The following SLC45A2 variants were observed in gnomAD, a reference collection of about 807,000 sequenced individuals.
The protein encoded by SLC45A2 is membrane-associated transporter protein.
SLC45A2 carries 36 observed loss-of-function variants against 45.5 expected under a neutral mutation model. The ratio of observed to expected loss-of-function variants is 0.79; its 90% confidence interval spans 0.61 to 1.04. The LOEUF is 1.04. Ranked by LOEUF, SLC45A2 falls within the 50% of genes least tolerant of loss-of-function variation. The pLI, the probability that SLC45A2 is intolerant of heterozygous loss-of-function variation, is 0.00. For synonymous variants in SLC45A2, 306 were observed against 269.3 expected (o/e 1.14, Z -1.33); for missense variants, 719 against 671.0 (o/e 1.07, Z -0.79).
chr5:33,961,087 G>A (rs1188214797), intron 3 of SLC45A2, among the ~76,000 whole-genome samples: 1 of 152,176 alleles, frequency 6.6e-6, no homozygotes, highest in Non-Finnish European at 1.5e-5. Context: ...GGGTCTGGCA[G>A]GTGTAATTAA....
At chr5:33,946,080 C>T (rs1411968964) in intron 6 of SLC45A2, 1 of 985,288 alleles carries the variant, frequency 1.0e-6, no homozygotes, top group Non-Finnish European at 1.2e-6. Flanking sequence ...CCCAGTGTAA[C>T]ACAGCTTCCA....
intron 3 of SLC45A2, among the ~76,000 whole-genome samples, chr5:33,963,012 C>T (rs1409746429): frequency 1.3e-5 from 2 of 152,210 alleles, no homozygotes; most frequent in African/African-American, 4.8e-5. Flanking sequence ...TATATTTTAG[C>T]TAGAAGCCCT....
At chr5:33,959,682 G>A (rs947559334) in intron 3 of SLC45A2, among the ~76,000 whole-genome samples, 4 of 152,180 alleles carry the variant, frequency 2.6e-5, no homozygotes, top group Non-Finnish European at 4.4e-5. Context: ...GTGGCATGGC[G>A]AGAGGCAGGT....
Position 33,944,842 on chromosome 5 carries a change from T to G in SLC45A2, c.1399A>C (p.Asn467His). The G allele has an allele frequency of 6.2e-7, 1 of 1,613,834 alleles. No individual in the cohort carries two copies. The highest frequency in any genetic ancestry group is 8.5e-7 in the Non-Finnish European group (1 of 1,179,888). ...TCCATGCCCTTCCCTCTCACGCTGT[T>G]GTCTGGGTCCCCTCCTGGGGCCTGC... ...RQQAPGGDPDNSVRGKGMDCA... is the reference protein window; with the variant it reads ...RQQAPGGDPDHSVRGKGMDCA... Residue 467 changes from asparagine (N) to histidine (H), a missense_variant, in exon 7 of 7, where the codon AAC (asparagine) becomes CAC (histidine). Physicochemically the swap from Asn to His is moderately conservative, Grantham distance 68. Transcript: ENST00000296589.
At chr5:33,967,291 A>G (rs563785597) in intron 2 of SLC45A2, among the ~76,000 whole-genome samples, 45 of 152,348 alleles carry the variant, frequency 3.0e-4, no homozygotes, top group African/African-American at 9.9e-4. Context: ...AAAGTAAAAT[A>G]TATCTCAAAC....
intron 2 of SLC45A2, among the ~76,000 whole-genome samples, chr5:33,964,372 AC>A (rs1163894439): frequency 6.6e-6 from 1 of 152,216 alleles, no homozygotes; most frequent in Non-Finnish European, 1.5e-5. Flanking sequence ...AGATACTGTG[AC>A]CTTTCCAAAG....
chr5:33,954,555 C>T, intron 3 of SLC45A2, 51 bp from the exon 4 acceptor site: 1 of 1,610,652 alleles, frequency 6.2e-7, no homozygotes, highest in Non-Finnish European at 8.5e-7. Flanking sequence ...GAAACTCAGC[C>T]AGCTAAGGGA....
Position 33,964,007 on chromosome 5 carries a change from C to T in SLC45A2, c.572G>A (p.Gly191Asp), listed in dbSNP as rs1752528476. Residue 191 changes from glycine (G) to aspartate (D), a missense_variant, in exon 3 of 7, where the codon GGT becomes GAT. Coordinates refer to ENST00000296589, the MANE Select transcript of SLC45A2 (RefSeq NM_016180.5). ...HYHALFTGFG[G>D]ALGYLLGAID... ...AGCACCCAAAAGGTAACCCAGGGCACCTCCAAAACCTGGAAAGCAAGAAAA... is the reference window on the plus strand; with the variant it reads ...AGCACCCAAAAGGTAACCCAGGGCATCTCCAAAACCTGGAAAGCAAGAAAA... The T allele has an allele frequency of 1.2e-6, 2 of 1,613,830 alleles. No individual in the cohort carries two copies. Among genetic ancestry groups the T allele is most frequent in the South Asian group, 1.1e-5 (1 of 91,064 alleles).
intron 2 of SLC45A2, among the ~76,000 whole-genome samples, chr5:33,981,666 CT>C (rs1312296892): frequency 6.6e-6 from 1 of 152,242 alleles, no homozygotes; most frequent in Non-Finnish European, 1.5e-5. Flanking sequence ...CTGGCATGAA[CT>C]TTTTCAAACC....
Position 33,984,585 on chromosome 5 carries a change from G to A in SLC45A2, c.-2C>T, listed in dbSNP as rs202056704. 5.6e-6 allele frequency: 9 copies of A among 1,608,986 alleles called. No homozygotes were observed. The highest frequency in any genetic ancestry group is 7.6e-6 in the Non-Finnish European group (9 of 1,179,982). On this transcript the variant is annotated 5_prime_UTR_variant, in exon 1 of 7. Transcript: ENST00000296589. ...AGCCTGCCCACTGTTGCTACCCATG[G>A]CCACTGGGAGAGGAACCTTCCTGCG...
intron 2 of SLC45A2, among the ~76,000 whole-genome samples, chr5:33,980,295 TTTGCCAA>T (rs1048439462): frequency 6.6e-6 from 1 of 152,130 alleles, no homozygotes; most frequent in African/African-American, 2.4e-5. Context: ...GATTTATAGC[TTTGCCAA>T]TTTCTAGAGT....
chr5:33,974,429 G>A (rs1350263041), intron 2 of SLC45A2, among the ~76,000 whole-genome samples: 2 of 151,490 alleles, frequency 1.3e-5, no homozygotes, highest in Non-Finnish European at 2.9e-5. Context: ...TGGAAATGCT[G>A]GAACAGAACC....
intron 5 of SLC45A2, among the ~76,000 whole-genome samples, chr5:33,947,962 G>C (rs1424204896): frequency 1.3e-5 from 2 of 152,186 alleles, no homozygotes; most frequent in African/African-American, 4.8e-5. Context: ...TCCCAGACTG[G>C]TAAGGGGCTC....
intron 3 of SLC45A2, 97 bp from the exon 4 acceptor site, chr5:33,954,601 C>A: frequency 6.6e-7 from 1 of 1,526,338 alleles, no homozygotes; most frequent in Admixed American, 1.8e-5. Flanking sequence ...ATTTGTCAGT[C>A]AGCCATCACA....
At position 33,944,737 on chromosome 5, in the gene SLC45A2, C is replaced by A. The variant is rs147355272; in HGVS notation, c.1504G>T (p.Gly502Trp). ...GGLGFLVNTAGTVVVVVITAS... is the reference protein window; with the variant it reads ...GGLGFLVNTAWTVVVVVITAS... The stretch of plus-strand genomic sequence containing the variant: ...GTGATCACCACGACGACAACGGTCC[C>A]GGCTGTGTTGACCAGAAAGCCCAGG... The change falls in exon 7 of 7, where the codon GGG becomes TGG. Residue 502 changes from glycine (G) to tryptophan (W), a missense_variant. Coordinates refer to ENST00000296589, the MANE Select transcript of SLC45A2 (RefSeq NM_016180.5). The A allele has an allele frequency of 1.2e-6, 2 of 1,614,116 alleles. No homozygotes were observed. Among genetic ancestry groups the A allele is most frequent in the African/African-American group, 1.3e-5 (1 of 74,934 alleles).
chr5:33,967,112 C>G (rs1317783670), intron 2 of SLC45A2, among the ~76,000 whole-genome samples: 1 of 152,194 alleles, frequency 6.6e-6, no homozygotes, highest in African/African-American at 2.4e-5. Flanking sequence ...AAAGCCTCCC[C>G]TAGAAGCAGA....
chr5:33,945,636 G>C (rs576158042), intron 6 of SLC45A2, among the ~76,000 whole-genome samples: 1 of 151,894 alleles, frequency 6.6e-6, no homozygotes, highest in African/African-American at 2.4e-5. Context: ...TATAATACTA[G>C]CTATCACATT....
At chr5:33,957,737 C>A (rs1322329175) in intron 3 of SLC45A2, among the ~76,000 whole-genome samples, 1 of 152,178 alleles carries the variant, frequency 6.6e-6, no homozygotes, top group Non-Finnish European at 1.5e-5. Flanking sequence ...TCCTCTCCTT[C>A]CAAAAATGCA....
intron 2 of SLC45A2, among the ~76,000 whole-genome samples, chr5:33,979,350 G>A (rs1337953103): frequency 6.6e-6 from 1 of 152,146 alleles, no homozygotes; most frequent in Non-Finnish European, 1.5e-5. Context: ...AGAGCGTCTG[G>A]GTTAAAATAA....
Sources: gnomAD v4.1 joint callset for allele counts (sites outside exome capture counted in the v4.1 genomes callset) on GRCh38, gnomAD v4.1.1 for gene constraint, MANE v1.5 for transcripts, NCBI Gene and HGNC (gene_info 2026-07-23, HGNC 2026-07-21) for gene names.